Variants in CEP112 observed in about 807,000 individuals in gnomAD.
CEP112 encodes the protein centrosomal protein 112, also known as centrosomal protein of 112 kDa.
Under a neutral mutation model 153.0 loss-of-function variants are expected in CEP112, and 127 were observed. The ratio of observed to expected loss-of-function variants is 0.83; its 90% CI spans 0.72 to 0.96. The LOEUF (loss-of-function observed/expected upper bound fraction) is 0.96, where lower values mean the gene tolerates loss of function less well. Among genes scored for constraint, CEP112 ranks in the 40% least tolerant of loss-of-function variants. The pLI is 0.00. For missense variants in CEP112, 1,089 were observed against 1,101.2 expected (o/e 0.99, Z 0.16); for synonymous variants, 358 against 374.4 (o/e 0.96, Z 0.51).
At chr17:66,162,494 G>A (rs776072426) in intron 4 of CEP112, among the ~76,000 whole-genome samples, 6 of 152,090 alleles carry the variant, frequency 3.9e-5, no homozygotes, top group Non-Finnish European at 5.9e-5. Context: ...ATGTAAAAGA[G>A]TATTCACAGT....
At chr17:65,992,629 G>A (rs1441499461) in intron 17 of CEP112, among the ~76,000 whole-genome samples, 1 of 152,094 alleles carries the variant, frequency 6.6e-6, no homozygotes, top group East Asian at 1.9e-4. Flanking sequence ...TACTATTCAA[G>A]TTTGCAGGCA....
intron 16 of CEP112, among the ~76,000 whole-genome samples, chr17:66,012,317 T>C (rs564391607): frequency 6.6e-6 from 1 of 152,328 alleles, no homozygotes; most frequent in East Asian, 1.9e-4. Context: ...GGTTGCTTTA[T>C]TGTGTCATTG....
intron 24 of CEP112, among the ~76,000 whole-genome samples, chr17:65,665,069 G>A (rs375063510): frequency 7.2e-5 from 11 of 152,300 alleles, no homozygotes; most frequent in African/African-American, 2.6e-4. Flanking sequence ...CCTTCCAAAG[G>A]CCCCATCTCC....
At chr17:66,091,021 C>T (rs1430889820) in intron 8 of CEP112, among the ~76,000 whole-genome samples, 3 of 151,884 alleles carry the variant, frequency 2.0e-5, no homozygotes, top group Non-Finnish European at 4.4e-5. Context: ...AGTAACATCA[C>T]CTAAATATAT....
chr17:65,970,310 C>CAT (rs74758995), intron 17 of CEP112, among the ~76,000 whole-genome samples: 43,901 of 110,976 alleles, frequency 0.4, 9,884 homozygotes, highest in East Asian at 0.88. Context: ...ATGTGTATCT[C>CAT]ATATGTAAAA....
In CEP112 at chr17:66,053,760, T is replaced by G. The variant is rs966856789; in HGVS notation, c.1194A>C (p.Glu398Asp). 4 of 1,613,120 alleles carry G rather than the reference T, an allele frequency of 2.5e-6. No individual in the cohort carries two copies. The South Asian group carries it at 3.3e-5, about 13-fold the overall frequency. The change falls in exon 12 of 27, where the codon GAA becomes GAC. Residue 398 changes from glutamate (E) to aspartate (D), a missense_variant. Physicochemically the swap from Glu to Asp is conservative, Grantham distance 45 (BLOSUM62 2). Coordinates refer to ENST00000535342, the MANE Select transcript of CEP112 (RefSeq NM_001199165.4). ...CTGTGGACTGTGTTTGCGCCATGTA[T>G]TCACTCTCCATTTTATTCAGACGCA... The part of the protein sequence containing the change: ...TNVRLNKMES[E>D]YMAQTQSTNH...
chr17:65,999,687 G>A (rs1049534486), intron 17 of CEP112, among the ~76,000 whole-genome samples: 4 of 151,812 alleles, frequency 2.6e-5, no homozygotes. Context: ...CCTAGTACCC[G>A]TTAGTTATTT....
chr17:66,053,766 C>T lies in CEP112; in HGVS notation c.1188G>A (p.Glu396=), dbSNP rs143669383. 9 of 1,613,472 alleles carry T rather than the reference C, an allele frequency of 5.6e-6. No individual in the cohort carries two copies. The highest frequency in any genetic ancestry group is 6.8e-6 in the Non-Finnish European group (8 of 1,179,648). Reference sequence around the variant, plus strand: ...ACTGTGTTTGCGCCATGTATTCACTCTCCATTTTATTCAGACGCACATTTG... The same window carrying T: ...ACTGTGTTTGCGCCATGTATTCACTTTCCATTTTATTCAGACGCACATTTG... The part of the protein sequence containing the change: ...EDTNVRLNKM[E]SEYMAQTQST... Residue 396 remains glutamate (E), a synonymous_variant, in exon 12 of 27, where the codon GAG becomes GAA. Transcript: ENST00000535342.
At chr17:66,026,155 G>A (rs1248106315) in intron 16 of CEP112, among the ~76,000 whole-genome samples, 1 of 152,040 alleles carries the variant, frequency 6.6e-6, no homozygotes, top group Non-Finnish European at 1.5e-5. Context: ...AGGAGGGGAC[G>A]AGGGATGAGA....
At chr17:65,918,226 AAGGTTAT>A (rs2060570023) in intron 19 of CEP112, among the ~76,000 whole-genome samples, 1 of 152,022 alleles carries the variant, frequency 6.6e-6, no homozygotes, top group East Asian at 1.9e-4. Flanking sequence ...CCTAAGCTTG[AAGGTTAT>A]ACCACCTAGC....
chr17:66,183,376 G>T, intron 1 of CEP112, 69 bp from the exon 2 acceptor site: 1 of 1,110,874 alleles, frequency 9.0e-7, no homozygotes, highest in Non-Finnish European at 1.3e-6. Flanking sequence ...TGATGAGAAA[G>T]ATAAAAAAAA....
rs370618593 is a variant in CEP112 at position 65,738,041 on chromosome 17, C to T, written c.2607+5027G>A. ...AGGAAGAAAATGTGAACAGAAACAC[C>T]GCACCCATGTAACATGCCATTCAAT... On this transcript the variant is annotated intron_variant, in intron 23 of 26. Coordinates refer to ENST00000535342, the MANE Select transcript of CEP112 (RefSeq NM_001199165.4). Among the ~76,000 whole-genome samples the T allele has an allele frequency of 3.7e-4, 56 of 152,112 alleles. 1 individual carries two copies. In the East Asian group the frequency reaches 9.1e-3, roughly 25 times the overall value.
rs546456325 is a variant in CEP112, at chr17:66,166,427, T to C, written c.470+8617A>G. Among the ~76,000 whole-genome samples, 21 of 152,296 alleles carry C rather than the reference T, an allele frequency of 1.4e-4. No homozygotes were observed. The East Asian group carries it at 3.9e-3, about 28-fold the overall frequency. On this transcript the variant is annotated intron_variant, in intron 4 of 26. Coordinates refer to ENST00000535342, the MANE Select transcript of CEP112 (RefSeq NM_001199165.4). ...ATCCCAGAACCTCACTGCACTTTGG[T>C]GATAAGCTACCAGACCACGTATACT... is the stretch of plus-strand genomic sequence containing the variant.
At chr17:65,715,463 T>G (rs1174696380) in intron 23 of CEP112, among the ~76,000 whole-genome samples, 1 of 152,098 alleles carries the variant, frequency 6.6e-6, no homozygotes, top group African/African-American at 2.4e-5. Flanking sequence ...GAAATTTTTT[T>G]TTTTTTAGAC....
intron 16 of CEP112, among the ~76,000 whole-genome samples, chr17:66,007,100 AAATT>A (rs1167906934): frequency 5.9e-5 from 9 of 152,230 alleles, no homozygotes; most frequent in African/African-American, 1.9e-4. Flanking sequence ...GTAAATAAAT[AAATT>A]AATAAAATCA....
chr17:65,810,778 A>C (rs902819866), intron 21 of CEP112, among the ~76,000 whole-genome samples: 1 of 152,160 alleles, frequency 6.6e-6, no homozygotes, highest in Non-Finnish European at 1.5e-5. Context: ...TAATTATAGG[A>C]GAAAAACCCT....
At chr17:66,016,152 T>C (rs1443519983) in intron 16 of CEP112, among the ~76,000 whole-genome samples, 2 of 152,234 alleles carry the variant, frequency 1.3e-5, no homozygotes, top group Non-Finnish European at 2.9e-5. Flanking sequence ...TCTTCTTGTA[T>C]GCTACTGGTG....
intron 23 of CEP112, among the ~76,000 whole-genome samples, chr17:65,734,979 G>GCA (rs1294043178): frequency 6.6e-6 from 1 of 152,076 alleles, no homozygotes; most frequent in African/African-American, 2.4e-5. Context: ...TTTGTCATTT[G>GCA]GAAAACATGG....
At chr17:65,766,594 T>G (rs1410817961) in intron 21 of CEP112, among the ~76,000 whole-genome samples, 1 of 151,360 alleles carries the variant, frequency 6.6e-6, no homozygotes, top group Non-Finnish European at 1.5e-5. Context: ...AGTAGTTCAA[T>G]GAACAAAAAA....
Sources: gnomAD v4.1 joint callset for allele counts (sites outside exome capture counted in the v4.1 genomes callset) on GRCh38, gnomAD v4.1.1 for gene constraint, MANE v1.5 for transcripts, NCBI Gene and HGNC (gene_info 2026-07-23, HGNC 2026-07-21) for gene names.